Variants in ZNF609 observed in about 807,000 individuals in gnomAD.
ZNF609 encodes zinc finger protein 609.
Under a neutral mutation model 109.5 loss-of-function variants are expected in ZNF609, and 11 were observed. The observed-to-expected ratio is 0.10, with a 90% CI of 0.06 to 0.17. The LOEUF (loss-of-function observed/expected upper bound fraction) is 0.17. Ranked by LOEUF, ZNF609 falls within the 10% of genes least tolerant of loss-of-function variation. ZNF609 has a pLI of 1.00. For missense variants in ZNF609, 1,559 were observed against 1,772.4 expected (o/e 0.88, Z 2.16); for synonymous variants, 646 against 662.0 (o/e 0.98, Z 0.37).
At position 64,555,738 on chromosome 15, in the gene ZNF609, C is replaced by T. The variant is rs573575067; in HGVS notation, c.747+55572C>T. On this transcript the variant is annotated intron_variant, in intron 2 of 9. Coordinates refer to ENST00000326648, the MANE Select transcript of ZNF609 (RefSeq NM_015042.2). The stretch of plus-strand genomic sequence containing the variant: ...CTCTACTAAGAATACAAAAATTAGC[C>T]GGGCATGGTGGTGTGTGCCTGTAAT... 1.4e-4 allele frequency among the ~76,000 whole-genome samples: 21 copies of T among 151,774 alleles called. No individual in the cohort carries two copies. The South Asian group carries it at 2.5e-3, about 18-fold the overall frequency.
chr15:64,662,604 C>T (rs571058029), intron 3 of ZNF609, among the ~76,000 whole-genome samples: 45 of 152,280 alleles, frequency 3.0e-4, no homozygotes, highest in African/African-American at 9.9e-4. Context: ...AGATTACAGG[C>T]ATGAGCCACC....
chr15:64,485,842 C>G (rs1328094285), intron 1 of ZNF609, among the ~76,000 whole-genome samples: 1 of 152,160 alleles, frequency 6.6e-6, no homozygotes, highest in Non-Finnish European at 1.5e-5. Context: ...TACCCTTGAC[C>G]TAGTTTCCTC....
At chr15:64,678,669 G>T (rs1210314829) in intron 6 of ZNF609, among the ~76,000 whole-genome samples, 187 bp downstream of exon 6, 1 of 152,202 alleles carries the variant, frequency 6.6e-6, no homozygotes, top group African/African-American at 2.4e-5. Context: ...GACCCATAAT[G>T]ATAGTCTGTG....
intron 1 of ZNF609, among the ~76,000 whole-genome samples, chr15:64,474,275 A>G (rs1383250555): frequency 1.4e-5 from 2 of 143,762 alleles, no homozygotes; most frequent in Non-Finnish European, 3.0e-5. Context: ...GTGCAATGGC[A>G]CAATCTCGGC....
At chr15:64,634,070 A>T (rs1896130997) in intron 3 of ZNF609, among the ~76,000 whole-genome samples, 1 of 151,774 alleles carries the variant, frequency 6.6e-6, no homozygotes, top group South Asian at 2.1e-4. Context: ...ACAGACATGC[A>T]TATATATATG....
chr15:64,616,958 A>G (rs1895809295), intron 2 of ZNF609, among the ~76,000 whole-genome samples: 1 of 149,548 alleles, frequency 6.7e-6, no homozygotes, highest in African/African-American at 2.5e-5. Flanking sequence ...ACAGGTGCAC[A>G]CCACCATGCC....
At chr15:64,521,361 T>C (rs73452272) in intron 2 of ZNF609, among the ~76,000 whole-genome samples, 8,345 of 152,248 alleles carry the variant, frequency 0.055, 773 homozygotes, top group African/African-American at 0.19. Flanking sequence ...AAGTGGAGGA[T>C]TGTTCTTGGC....
chr15:64,678,044 C>A, intron 5 of ZNF609, 72 bp from the exon 6 acceptor site: 1 of 1,544,066 alleles, frequency 6.5e-7, no homozygotes, highest in Non-Finnish European at 8.7e-7. Flanking sequence ...GGTGGTTCTA[C>A]TGGGACCTTG....
intron 2 of ZNF609, among the ~76,000 whole-genome samples, chr15:64,541,408 C>G (rs954261537): frequency 8.1e-6 from 1 of 122,868 alleles, no homozygotes; most frequent in African/African-American, 3.2e-5. Flanking sequence ...GCCTGGGCGA[C>G]AGAGCGAGAC....
At chr15:64,474,722 G>T (rs1393627611) in intron 1 of ZNF609, among the ~76,000 whole-genome samples, 1 of 152,152 alleles carries the variant, frequency 6.6e-6, no homozygotes, top group East Asian at 1.9e-4. Context: ...GACAATTAAT[G>T]AATTTATGAT....
Position 64,675,833 on chromosome 15 carries a change from C to G in ZNF609, c.2979C>G (p.His993Gln). 1 of 1,614,244 alleles carries G rather than the reference C, an allele frequency of 6.2e-7. No individual in the cohort carries two copies. Among genetic ancestry groups the G allele is most frequent in the Non-Finnish European group, 8.5e-7 (1 of 1,180,048 alleles). ...ACAGCGACCAGAGTTACCACACCCACCTTCTGAGCACTAACACGGCTTACC... is the reference window on the plus strand; with the variant it reads ...ACAGCGACCAGAGTTACCACACCCAGCTTCTGAGCACTAACACGGCTTACC... ...YGYSDQSYHT[H>Q]LLSTNTAYRQ... Residue 993 changes from histidine (H) to glutamine (Q), a missense_variant, in exon 5 of 10, where the codon CAC becomes CAG. Transcript: ENST00000326648.
intron 2 of ZNF609, among the ~76,000 whole-genome samples, chr15:64,545,357 C>T (rs1158949813): frequency 6.6e-6 from 1 of 152,124 alleles, no homozygotes; most frequent in Non-Finnish European, 1.5e-5. Context: ...CGCTACCATG[C>T]CCAGCTAATG....
chr15:64,521,364 T>A (rs923893966), intron 2 of ZNF609, among the ~76,000 whole-genome samples: 1 of 152,222 alleles, frequency 6.6e-6, no homozygotes, highest in African/African-American at 2.4e-5. Context: ...TGGAGGATTG[T>A]TCTTGGCTTT....
intron 2 of ZNF609, among the ~76,000 whole-genome samples, chr15:64,550,856 A>T (rs1165680157): frequency 2.7e-5 from 4 of 149,652 alleles, no homozygotes; most frequent in African/African-American, 7.5e-5. Context: ...AAAAAAAAAA[A>T]GAAACATGAT....
intron 2 of ZNF609, among the ~76,000 whole-genome samples, chr15:64,555,432 G>A (rs999584562): frequency 6.6e-6 from 1 of 152,248 alleles, no homozygotes; most frequent in Admixed American, 6.5e-5. Flanking sequence ...TGGAGGCCAA[G>A]GCGTGTGGAT....
At chr15:64,465,947 C>T (rs533518172) in intron 1 of ZNF609, among the ~76,000 whole-genome samples, 91 of 151,692 alleles carry the variant, frequency 6.0e-4, no homozygotes, top group African/African-American at 2.1e-3. Flanking sequence ...GAAACTCCAT[C>T]TCTACTAATA....
chr15:64,652,534 G>A (rs117106867), intron 3 of ZNF609, among the ~76,000 whole-genome samples: 4,110 of 151,578 alleles, frequency 0.027, 87 homozygotes, highest in South Asian at 0.08. Context: ...CTACAGGCAC[G>A]TACCACCACA....
chr15:64,592,395 G>T (rs761391854), intron 2 of ZNF609, among the ~76,000 whole-genome samples: 21 of 152,080 alleles, frequency 1.4e-4, no homozygotes, highest in Non-Finnish European at 2.6e-4. Context: ...TGGCCAACTT[G>T]GTGAAACCCC....
intron 2 of ZNF609, among the ~76,000 whole-genome samples, chr15:64,597,683 G>A (rs1895420208): frequency 1.3e-5 from 2 of 152,268 alleles, no homozygotes; most frequent in Admixed American, 6.5e-5. Context: ...CATAAATGTG[G>A]AAGATGCTGC....
Sources: allele counts gnomAD v4.1 joint callset (sites outside exome capture counted in the v4.1 genomes callset), GRCh38; gene constraint gnomAD v4.1.1; transcripts MANE v1.5; gene names NCBI Gene and HGNC (gene_info 2026-07-23, HGNC 2026-07-21).